Variants in TSPAN18 observed in about 807,000 individuals in gnomAD.
TSPAN18 encodes the protein tetraspanin-18.
TSPAN18 carries 14 observed loss-of-function variants against 27.3 expected under a neutral mutation model. The ratio of observed to expected loss-of-function variants is 0.51; its 90% CI spans 0.34 to 0.80. The LOEUF is 0.80. TSPAN18 is among the 30% of genes least tolerant of loss of function. TSPAN18 has a pLI of 0.01. For missense variants in TSPAN18, 268 were observed against 323.9 expected (o/e 0.83, Z 1.32); for synonymous variants, 143 against 136.5 (o/e 1.05, Z -0.33).
At chr11:44,802,124 A>T (rs1424298634) in intron 2 of TSPAN18, among the ~76,000 whole-genome samples, 1 of 152,040 alleles carries the variant, frequency 6.6e-6, no homozygotes, top group Admixed American at 6.6e-5. Context: ...TGGGAAGCAC[A>T]TTAGGACCTG....
intron 2 of TSPAN18, among the ~76,000 whole-genome samples, chr11:44,790,167 A>ATGTGTGTGTGTGCGCG (rs1491179642): frequency 7.2e-6 from 1 of 139,662 alleles, no homozygotes; most frequent in Non-Finnish European, 1.5e-5. Context: ...GTGTGTGTGC[A>ATGTGTGTGTGTGCGCG]TGTGTGTGTG....
At chr11:44,769,830 G>T (rs1855650721) in intron 2 of TSPAN18, among the ~76,000 whole-genome samples, 1 of 152,180 alleles carries the variant, frequency 6.6e-6, no homozygotes, top group Non-Finnish European at 1.5e-5. Context: ...CCTAGCCAGA[G>T]TTCTATTGAT....
intron 3 of TSPAN18, among the ~76,000 whole-genome samples, chr11:44,884,674 C>T (rs1187133592): frequency 1.3e-5 from 2 of 152,182 alleles, no homozygotes; most frequent in African/African-American, 4.8e-5. Context: ...TTGCCTGTGA[C>T]CCATGAGGGC....
intron 4 of TSPAN18, 53 bp from the exon 5 acceptor site, chr11:44,909,652 T>C: frequency 6.4e-7 from 1 of 1,565,030 alleles, no homozygotes; most frequent in South Asian, 1.2e-5. Flanking sequence ...CAGAAGTGCC[T>C]AACCTCCCTT....
intron 3 of TSPAN18, among the ~76,000 whole-genome samples, chr11:44,904,371 G>A (rs1859379400): frequency 1.3e-5 from 2 of 152,222 alleles, no homozygotes; most frequent in Non-Finnish European, 2.9e-5. Flanking sequence ...AAGCCCTCCG[G>A]CCCCAGGGCC....
chr11:44,893,496 C>T (rs929013959), intron 3 of TSPAN18, among the ~76,000 whole-genome samples: 3 of 152,348 alleles, frequency 2.0e-5, no homozygotes, highest in African/African-American at 7.2e-5. Context: ...TGAGGCCCAG[C>T]AGGCACAGCC....
intron 1 of TSPAN18, among the ~76,000 whole-genome samples, 159 bp downstream of exon 1, chr11:44,727,446 C>A (rs1418456355): frequency 6.6e-6 from 1 of 152,156 alleles, no homozygotes; most frequent in African/African-American, 2.4e-5. Context: ...CCAAGTTCCA[C>A]TCAAACTAGC....
chr11:44,852,073 A>G (rs1212766321), intron 2 of TSPAN18, among the ~76,000 whole-genome samples: 2 of 152,182 alleles, frequency 1.3e-5, no homozygotes, highest in Non-Finnish European at 2.9e-5. Context: ...TGAATGAATG[A>G]TGAATATCAC....
chr11:44,838,041 A>G (rs1244995795), intron 2 of TSPAN18, among the ~76,000 whole-genome samples: 2 of 152,198 alleles, frequency 1.3e-5, no homozygotes, highest in Non-Finnish European at 2.9e-5. Flanking sequence ...GTGGTGGGGT[A>G]CAAGAATAAT....
intron 2 of TSPAN18, among the ~76,000 whole-genome samples, chr11:44,766,561 C>A (rs1251177789): frequency 6.6e-6 from 1 of 152,180 alleles, no homozygotes; most frequent in Non-Finnish European, 1.5e-5. Context: ...AGTCGTGGGC[C>A]TCAAGCCTCG....
At chr11:44,834,665 C>T (rs191249737) in intron 2 of TSPAN18, among the ~76,000 whole-genome samples, 1 of 151,334 alleles carries the variant, frequency 6.6e-6, no homozygotes, top group African/African-American at 2.4e-5. Context: ...AGATCCTGCT[C>T]AGCTGTAACC....
chr11:44,817,560 A>G (rs16938088), intron 2 of TSPAN18, among the ~76,000 whole-genome samples: 8,392 of 152,276 alleles, frequency 0.055, 274 homozygotes, highest in African/African-American at 0.091. Flanking sequence ...TTCTTCTCAC[A>G]GCAATTGACC....
intron 5 of TSPAN18, among the ~76,000 whole-genome samples, chr11:44,912,300 C>T (rs879728039): frequency 1.3e-5 from 2 of 152,054 alleles, no homozygotes; most frequent in African/African-American, 2.4e-5. Context: ...GGATTCCAGG[C>T]GGGCACCACA....
intron 8 of TSPAN18, 119 bp downstream of exon 8, chr11:44,920,118 T>C: frequency 9.4e-7 from 1 of 1,059,062 alleles, no homozygotes; most frequent in Admixed American, 2.9e-5. Context: ...CCCAGGGAAG[T>C]GTTGGCCATG....
At chr11:44,903,020 A>T (rs17787133) in intron 3 of TSPAN18, among the ~76,000 whole-genome samples, 10,553 of 152,182 alleles carry the variant, frequency 0.069, 680 homozygotes, top group African/African-American at 0.16. Flanking sequence ...GTCCAAACCA[A>T]GTGCAACCCT....
At chr11:44,805,475 C>T (rs1403856589) in intron 2 of TSPAN18, among the ~76,000 whole-genome samples, 1 of 152,160 alleles carries the variant, frequency 6.6e-6, no homozygotes, top group African/African-American at 2.4e-5. Flanking sequence ...CTCCAGTTTC[C>T]AGGAAGCCCG....
At chr11:44,792,649 G>A (rs777435590) in intron 2 of TSPAN18, among the ~76,000 whole-genome samples, 19 of 152,222 alleles carry the variant, frequency 1.2e-4, no homozygotes, top group Admixed American at 2.0e-4. Context: ...GTGGAGTGAT[G>A]TAGAAACCAA....
intron 2 of TSPAN18, among the ~76,000 whole-genome samples, chr11:44,815,384 C>G (rs980868095): frequency 1.1e-4 from 16 of 152,236 alleles, no homozygotes; most frequent in African/African-American, 3.9e-4. Flanking sequence ...ACTTCTTCAG[C>G]TCTGCTGCTG....
chr11:44,865,184 G>A (rs994342115), intron 3 of TSPAN18, among the ~76,000 whole-genome samples: 49 of 152,214 alleles, frequency 3.2e-4, no homozygotes, highest in African/African-American at 1.2e-3. Flanking sequence ...CAGGGAGGCA[G>A]CCTGGTGTGT....
Sources: gnomAD v4.1 joint callset for allele counts (sites outside exome capture counted in the v4.1 genomes callset) on GRCh38, gnomAD v4.1.1 for gene constraint, MANE v1.5 for transcripts, NCBI Gene and HGNC (gene_info 2026-07-23, HGNC 2026-07-21) for gene names.